PRCC: variants seen among roughly 807,000 people sequenced by gnomAD.
PRCC encodes proline-rich protein PRCC.
A neutral mutation model predicts 44.0 loss-of-function variants in PRCC; 10 were observed. That is an observed-to-expected ratio of 0.23 (90% CI 0.14 to 0.39). The LOEUF is 0.39. Among genes scored for constraint, PRCC ranks in the 10% least tolerant of loss-of-function variants. The pLI, the probability that PRCC is intolerant of heterozygous loss-of-function variation, is 1.00. For synonymous variants in PRCC, 278 were observed against 259.5 expected (o/e 1.07, Z -0.69); for missense variants, 573 against 624.7 (o/e 0.92, Z 0.88).
Position 156,767,967 on chromosome 1 carries a change from C to T in PRCC, c.196C>T (p.Leu66=), listed in dbSNP as rs567531011. The change falls in exon 1 of 7, where the codon CTG becomes TTG. Residue 66 remains leucine (L), a synonymous_variant. Transcript: ENST00000271526. ...GCTGGCGCCAGCCTTTCCCCCGCCG[C>T]TGTTGCTTCCCCCACCCACCGGAGA... ...QMLAPAFPPP[L]LLPPPTGDPR... The T allele has an allele frequency of 6.3e-7, 1 of 1,584,774 alleles. No individual in the cohort carries two copies. Among genetic ancestry groups the T allele is most frequent in the South Asian group, 1.1e-5 (1 of 87,116 alleles).
At chr1:156,797,211 C>T (rs1652687158) in intron 5 of PRCC, 65 bp from the exon 6 acceptor site, 9 of 1,600,038 alleles carry the variant, frequency 5.6e-6, no homozygotes, top group Non-Finnish European at 6.9e-6. Flanking sequence ...ACCACACCAT[C>T]TGGGCACATG....
intron 1 of PRCC, among the ~76,000 whole-genome samples, chr1:156,781,413 A>G (rs1652046541): frequency 6.6e-6 from 1 of 152,208 alleles, no homozygotes; most frequent in African/African-American, 2.4e-5. Flanking sequence ...TTGCCTTTTT[A>G]TTTGCAGATA....
Position 156,800,512 on chromosome 1 carries a change from C to G in PRCC, c.*52C>G. 1 of 1,582,274 alleles carries G rather than the reference C, an allele frequency of 6.3e-7. No individual in the cohort carries two copies. The highest frequency in any genetic ancestry group is 1.1e-5 in the South Asian group (1 of 90,426). ...TCTCCTGCCAGCCCAGCTGGCCTGG[C>G]CCCCAGCTTCACCTCTGGGACCCCA... On this transcript the variant is annotated 3_prime_UTR_variant, in exon 7 of 7. Transcript: ENST00000271526.
chr1:156,769,228 C>T (rs544651611), intron 1 of PRCC, among the ~76,000 whole-genome samples: 16 of 152,250 alleles, frequency 1.1e-4, no homozygotes, highest in Admixed American at 7.8e-4. Context: ...TCTCAGATAT[C>T]CTAATGTTCT....
chr1:156,768,260 C>T (rs1269314521), intron 1 of PRCC, 21 bp downstream of exon 1: 3 of 1,536,142 alleles, frequency 2.0e-6, no homozygotes, highest in Non-Finnish European at 1.7e-6. Context: ...GGGGAAGGCA[C>T]CCCCAAACTG....
chr1:156,769,230 T>C (rs1234549620), intron 1 of PRCC, among the ~76,000 whole-genome samples: 1 of 152,252 alleles, frequency 6.6e-6, no homozygotes, highest in Non-Finnish European at 1.5e-5. Flanking sequence ...TCAGATATCC[T>C]AATGTTCTCT....
chr1:156,791,592 A>T (rs1480334947), intron 3 of PRCC, 105 bp from the exon 4 acceptor site: 3 of 1,012,988 alleles, frequency 3.0e-6, no homozygotes, highest in African/African-American at 3.2e-5. Flanking sequence ...TAGCTATCTC[A>T]CCATTGCCTC....
At chr1:156,785,931 C>A (rs1652230429) in intron 2 of PRCC, among the ~76,000 whole-genome samples, 2 of 151,778 alleles carry the variant, frequency 1.3e-5, no homozygotes, top group Admixed American at 1.3e-4. Flanking sequence ...TCTGCCTCAG[C>A]CTCCCAAGTA....
At chr1:156,784,047 C>T (rs929532759) in intron 2 of PRCC, among the ~76,000 whole-genome samples, 3 of 151,594 alleles carry the variant, frequency 2.0e-5, no homozygotes, top group Non-Finnish European at 4.4e-5. Context: ...CCTGGGTTCA[C>T]GCCATTCTCC....
At chr1:156,771,434 T>C (rs934165945) in intron 1 of PRCC, among the ~76,000 whole-genome samples, 12 of 152,146 alleles carry the variant, frequency 7.9e-5, no homozygotes, top group African/African-American at 2.9e-4. Flanking sequence ...GTGGCCTGGA[T>C]GATGAACTAG....
chr1:156,767,939 G>A lies in PRCC; in HGVS notation c.168G>A (p.Gln56=). 1 of 1,590,584 alleles carries A rather than the reference G, an allele frequency of 6.3e-7. No individual in the cohort carries two copies. The highest frequency in any genetic ancestry group is 1.1e-5 in the South Asian group (1 of 88,028). ...CGGCCTTGCTGCCTCCGCCCCCTCA[G>A]ATGCTGGCGCCAGCCTTTCCCCCGC... ...KGPALLPPPP[Q]MLAPAFPPPL... The change falls in exon 1 of 7, where the codon CAG becomes CAA. Residue 56 remains glutamine, a synonymous_variant. Coordinates refer to ENST00000271526, the MANE Select transcript of PRCC (RefSeq NM_005973.5).
At chr1:156,798,763 C>T (rs1479961757) in intron 6 of PRCC, among the ~76,000 whole-genome samples, 3 of 150,340 alleles carry the variant, frequency 2.0e-5, no homozygotes, top group East Asian at 3.9e-4. Context: ...GCAGGAGAAT[C>T]GCTTGAACCC....
intron 1 of PRCC, among the ~76,000 whole-genome samples, chr1:156,776,608 TG>T (rs1471039983): frequency 2.0e-5 from 3 of 152,250 alleles, no homozygotes; most frequent in Admixed American, 1.3e-4. Context: ...TGGAGCAGTT[TG>T]CCTATTACAG....
chr1:156,795,285 GTTTTTTTTTTTTT>G (rs35911411), intron 5 of PRCC, among the ~76,000 whole-genome samples: 3 of 36,054 alleles, frequency 8.3e-5, no homozygotes, highest in African/African-American at 2.8e-4. Flanking sequence ...ATTTTCTGGT[GTTTTTTTTTTTTT>G]TTTTTTTTTT....
In PRCC at chr1:156,791,266, T is replaced by C. The variant is rs1652463402; in HGVS notation, c.1084-431T>C. On this transcript the variant is annotated intron_variant, in intron 3 of 6. Transcript: ENST00000271526. ...CTGTATCCACAGGACCAAACTAGAA[T>C]GAGGAGCAGGAATGGCATGACGTAT... 3 of 808,720 alleles carry C rather than the reference T, an allele frequency of 3.7e-6. No homozygotes were observed. The South Asian group carries it at 4.4e-5, about 12-fold the overall frequency. The allele number at this position is 808,720 out of a possible 1,614,324, so 50.1% of individuals were successfully genotyped here.
chr1:156,786,641 C>T lies in PRCC; in HGVS notation c.550C>T (p.Leu184Phe). 6.2e-7 allele frequency: 1 copy of T among 1,613,494 alleles called. No individual in the cohort carries two copies. Among genetic ancestry groups the T allele is most frequent in the South Asian group, 1.1e-5 (1 of 91,028 alleles). The part of the protein sequence containing the change: ...SSEGTGLSAL[L>F]PQPKNLTVKE... ...TGAGGGGACTGGTTTGTCTGCCTTG[C>T]TTCCCCAACCTAAAAACCTGACTGT... is the stretch of plus-strand genomic sequence containing the variant. Residue 184 changes from leucine (L) to phenylalanine (F), a missense_variant, in exon 3 of 7, where the codon CTT becomes TTT. Leu to Phe is a conservative substitution (Grantham distance 22). This residue lies in a region of PRCC where 118 missense variants were observed against 166.7 expected (regional missense o/e 0.71). Transcript: ENST00000271526.
intron 2 of PRCC, 66 bp downstream of exon 2, chr1:156,782,395 C>A (rs1053937517): frequency 4.3e-6 from 6 of 1,393,954 alleles, no homozygotes; most frequent in South Asian, 1.2e-5. Context: ...ACAGGACTTA[C>A]AGTATCCAGC....
At position 156,767,739 on chromosome 1, in the gene PRCC, G is replaced by A. The variant is rs904614611; in HGVS notation, c.-33G>A. The A allele has an allele frequency of 1.0e-5, 16 of 1,552,388 alleles. No homozygotes were observed. The highest frequency in any genetic ancestry group is 1.0e-5 in the Non-Finnish European group (12 of 1,149,106). ...CCCCGGTCTCAAGTAGGCCTCATCT[G>A]CCGGCAAGGGCGCCCGAAACGCGGG... On this transcript the variant is annotated 5_prime_UTR_variant, in exon 1 of 7. Transcript: ENST00000271526.
rs1324955885 is a variant in PRCC, at chr1:156,786,640, G to C, written c.549G>C (p.Leu183Phe). The part of the protein sequence containing the change: ...GSSEGTGLSA[L>F]LPQPKNLTVK... ...GTGAGGGGACTGGTTTGTCTGCCTT[G>C]CTTCCCCAACCTAAAAACCTGACTG... Residue 183 changes from leucine (L) to phenylalanine (F), a missense_variant, in exon 3 of 7, where the codon TTG (leucine) becomes TTC (phenylalanine). Leu to Phe is a conservative substitution (Grantham distance 22, BLOSUM62 0). Coordinates refer to ENST00000271526, the MANE Select transcript of PRCC (RefSeq NM_005973.5). 6.2e-7 allele frequency: 1 copy of C among 1,613,478 alleles called. No homozygotes were observed. The highest frequency in any genetic ancestry group is 1.7e-5 in the Admixed American group (1 of 59,964).
Sources: gnomAD v4.1 joint callset for allele counts (sites outside exome capture counted in the v4.1 genomes callset) on GRCh38, gnomAD v4.1.1 for gene constraint, gnomAD v4.1.1 regional missense constraint, MANE v1.5 for transcripts, NCBI Gene and HGNC (gene_info 2026-07-23, HGNC 2026-07-21) for gene names.